The following CPA6 variants were observed in gnomAD, a reference collection of about 807,000 sequenced individuals.
CPA6 encodes carboxypeptidase A6.
CPA6 carries 58 observed loss-of-function variants against 63.3 expected under a neutral mutation model. That is an observed-to-expected ratio of 0.92 (90% confidence interval 0.74 to 1.14). The LOEUF is 1.14. Among genes scored for constraint, CPA6 ranks in the 50% most tolerant of loss-of-function variants. The probability of loss-of-function intolerance (pLI) is 0.00; values close to 1 mark genes in which losing one functional copy is unlikely to be tolerated. For synonymous variants in CPA6, 185 were observed against 179.0 expected, an observed-to-expected ratio of 1.03 and a Z score of -0.27; for missense variants, 565 against 526.6, an observed-to-expected ratio of 1.07 and a Z score of -0.71.
At chr8:67,611,469 G>A (rs555672357) in intron 2 of CPA6, among the ~76,000 whole-genome samples, 4 of 152,226 alleles carry the variant, frequency 2.6e-5, no homozygotes, top group South Asian at 2.1e-4. Context: ...TGTTAATTAC[G>A]CAGAACATTA....
chr8:67,745,410 C>A (rs1291285021), intron 1 of CPA6, among the ~76,000 whole-genome samples: 2 of 152,192 alleles, frequency 1.3e-5, no homozygotes, highest in African/African-American at 4.8e-5. Context: ...GCATGCTTAC[C>A]TACGGAGGGG....
chr8:67,473,104 C>G (rs1057448817), intron 8 of CPA6, among the ~76,000 whole-genome samples: 12 of 152,172 alleles, frequency 7.9e-5, no homozygotes, highest in African/African-American at 2.7e-4. Flanking sequence ...TAGAATAGCT[C>G]TTTTTAGCAG....
At chr8:67,623,583 C>A (rs1256086904) in intron 2 of CPA6, among the ~76,000 whole-genome samples, 1 of 152,030 alleles carries the variant, frequency 6.6e-6, no homozygotes, top group Non-Finnish European at 1.5e-5. Context: ...AGGCATGTGA[C>A]ACCACACCTG....
At chr8:67,502,796 T>G (rs73264769) in intron 6 of CPA6, among the ~76,000 whole-genome samples, 1 of 152,144 alleles carries the variant, frequency 6.6e-6, no homozygotes, top group Non-Finnish European at 1.5e-5. Flanking sequence ...CCTGTTATTC[T>G]TCTGCTATCA....
intron 2 of CPA6, among the ~76,000 whole-genome samples, chr8:67,595,750 G>A (rs1017170998): frequency 7.0e-4 from 107 of 152,098 alleles, no homozygotes; most frequent in African/African-American, 2.4e-3. Flanking sequence ...TGCAGTATTC[G>A]GGTGGGAGTG....
chr8:67,631,623 A>C (rs1161380619), intron 1 of CPA6, among the ~76,000 whole-genome samples: 1 of 152,194 alleles, frequency 6.6e-6, no homozygotes, highest in Non-Finnish European at 1.5e-5. Flanking sequence ...ATAAGGGAAT[A>C]AAAGCAGGCT....
rs74496752 is a variant in CPA6, at chr8:67,456,546, T to A, written c.839-22306A>T. ...ATATCTTCAGAAGTCCCAAGTTAATTTTGCTAAAATGCAAATCTTACCATG... is the reference window on the plus strand; with the variant it reads ...ATATCTTCAGAAGTCCCAAGTTAATATTGCTAAAATGCAAATCTTACCATG... On this transcript the variant is annotated intron_variant, in intron 8 of 10. Transcript: ENST00000297770. Among the ~76,000 whole-genome samples, 39 of 152,304 alleles carry A rather than the reference T, an allele frequency of 2.6e-4. No homozygotes were observed. In the East Asian group the frequency reaches 7.3e-3, roughly 29 times the overall value.
intron 1 of CPA6, among the ~76,000 whole-genome samples, chr8:67,720,012 G>A (rs1817462161): frequency 6.6e-6 from 1 of 152,128 alleles, no homozygotes; most frequent in South Asian, 2.1e-4. Context: ...CTTTGTGTGA[G>A]CAATAAAGCT....
rs564907784 is a variant in CPA6, at chr8:67,424,879, T to C, written c.1127-2188A>G. Reference sequence around the variant, plus strand: ...CAGCTGACAAGCCCTCTGGCTACTCTCTCCTTCTGGCTCCTGTGACCTCAC... The same window carrying C: ...CAGCTGACAAGCCCTCTGGCTACTCCCTCCTTCTGGCTCCTGTGACCTCAC... On this transcript the variant is annotated intron_variant, in intron 10 of 10. Coordinates refer to ENST00000297770, the MANE Select transcript of CPA6 (RefSeq NM_020361.5). 9.9e-5 allele frequency among the ~76,000 whole-genome samples: 15 copies of C among 152,256 alleles called. No individual in the cohort carries two copies. In the South Asian group the frequency reaches 2.9e-3, roughly 29 times the overall value.
rs147847324 is a variant in CPA6, at chr8:67,537,013, G to A, written c.193-18966C>T. Among the ~76,000 whole-genome samples, 1,120 of 152,298 alleles carry A rather than the reference G, an allele frequency of 7.4e-3. 16 individuals are homozygous for A. Among genetic ancestry groups the A allele is most frequent in the African/African-American group, 0.025 (1,052 of 41,566 alleles). On this transcript the variant is annotated intron_variant, in intron 2 of 10. Transcript: ENST00000297770. ...GAATTACATTTGTTGATTTGTGTAT[G>A]TTAAACCAGACTTGCATCCCAGGGA...
chr8:67,443,759 G>A (rs955902706), intron 8 of CPA6, among the ~76,000 whole-genome samples: 8 of 152,118 alleles, frequency 5.3e-5, no homozygotes, highest in African/African-American at 1.7e-4. Context: ...TTTGTAAGAG[G>A]CAAGTCTATA....
chr8:67,529,288 A>G (rs1812427681), intron 2 of CPA6, among the ~76,000 whole-genome samples: 1 of 152,176 alleles, frequency 6.6e-6, no homozygotes, highest in Non-Finnish European at 1.5e-5. Context: ...AAATGTAAAG[A>G]TAAAAAGCAA....
At chr8:67,718,085 C>A (rs1817416869) in intron 1 of CPA6, among the ~76,000 whole-genome samples, 1 of 152,104 alleles carries the variant, frequency 6.6e-6, no homozygotes. Context: ...CCTAGAAGAA[C>A]TATAATTGTC....
chr8:67,705,206 G>A (rs1417379028), intron 1 of CPA6, among the ~76,000 whole-genome samples: 3 of 152,128 alleles, frequency 2.0e-5, no homozygotes, highest in Non-Finnish European at 4.4e-5. Flanking sequence ...CCACAAGCTT[G>A]GGTACTGGAA....
chr8:67,694,380 G>A (rs975710768), intron 1 of CPA6, among the ~76,000 whole-genome samples: 1 of 152,224 alleles, frequency 6.6e-6, no homozygotes, highest in Non-Finnish European at 1.5e-5. Flanking sequence ...GCCTGCTGCT[G>A]GGGCTTAGCA....
intron 1 of CPA6, among the ~76,000 whole-genome samples, chr8:67,625,934 T>C (rs1322946043): frequency 6.6e-6 from 1 of 152,076 alleles, no homozygotes; most frequent in Non-Finnish European, 1.5e-5. Context: ...TGGTGGAAGG[T>C]GATTGGTTCA....
chr8:67,484,292 T>C (rs1203598078), intron 7 of CPA6, among the ~76,000 whole-genome samples: 1 of 151,530 alleles, frequency 6.6e-6, no homozygotes, highest in Non-Finnish European at 1.5e-5. Flanking sequence ...CAGGATGGTC[T>C]CGATCTCCTG....
Position 67,633,456 on chromosome 8 carries a change from T to C in CPA6, c.117-9205A>G, listed in dbSNP as rs1247013396. On this transcript the variant is annotated intron_variant, in intron 1 of 10. Transcript: ENST00000297770. Reference sequence around the variant, plus strand: ...CAGCACTTTGGGAGGCCAAGGCGGGTGGATCACGAGGTCAGGAGATCGAGA... The same window carrying C: ...CAGCACTTTGGGAGGCCAAGGCGGGCGGATCACGAGGTCAGGAGATCGAGA... Among the ~76,000 whole-genome samples, 5 of 152,004 alleles carry C rather than the reference T, an allele frequency of 3.3e-5. No individual in the cohort carries two copies. In the East Asian group the frequency reaches 9.6e-4, roughly 29 times the overall value.
At chr8:67,460,019 A>G (rs566372732) in intron 8 of CPA6, among the ~76,000 whole-genome samples, 4 of 152,156 alleles carry the variant, frequency 2.6e-5, no homozygotes, top group African/African-American at 9.6e-5. Context: ...CTTGGGGGGA[A>G]AAAAAGGCAC....
Sources: gnomAD v4.1 joint callset for allele counts (sites outside exome capture counted in the v4.1 genomes callset) on GRCh38, gnomAD v4.1.1 for gene constraint, MANE v1.5 for transcripts, NCBI Gene and HGNC (gene_info 2026-07-23, HGNC 2026-07-21) for gene names.